The following TRIOBP variants were observed in gnomAD, a reference collection of about 807,000 sequenced individuals.
TRIOBP encodes TRIO and F-actin-binding protein.
A neutral mutation model predicts 238.8 loss-of-function variants in TRIOBP; 169 were observed. The ratio of observed to expected loss-of-function variants is 0.71; its 90% CI spans 0.62 to 0.80. The LOEUF (loss-of-function observed/expected upper bound fraction) is 0.80, where lower values mean the gene tolerates loss of function less well. Among genes scored for constraint, TRIOBP ranks in the 30% least tolerant of loss-of-function variants. TRIOBP has a pLI of 0.00. For missense variants in TRIOBP, 2,838 were observed against 3,122.6 expected (o/e 0.91, Z 2.17); for synonymous variants, 1,150 against 1,274.4 (o/e 0.90, Z 2.08).
rs7290598 is a variant in TRIOBP at position 37,743,501 on chromosome 22, C to T, written c.5322+2469C>T. Among the ~76,000 whole-genome samples the T allele has an allele frequency of 6.8e-3, 1,032 of 152,278 alleles. 12 individuals are homozygous for T. The highest frequency in any genetic ancestry group is 0.023 in the African/African-American group (964 of 41,540). On this transcript the variant is annotated intron_variant, in intron 11 of 23. Coordinates refer to ENST00000644935, the MANE Select transcript of TRIOBP (RefSeq NM_001039141.3). ...TTCTTCATTGGTGCATTCATTCATT[C>T]GAGCCGTGCTTACGGAGGATGTGCT... is the stretch of plus-strand genomic sequence containing the variant.
chr22:37,731,739 G>A (rs866899316), intron 7 of TRIOBP, among the ~76,000 whole-genome samples: 82 of 152,270 alleles, frequency 5.4e-4, no homozygotes, highest in African/African-American at 1.9e-3. Flanking sequence ...TTAGAGGCAT[G>A]AGCCACCACA....
chr22:37,714,714 T>C (rs569249933), intron 5 of TRIOBP, among the ~76,000 whole-genome samples: 11 of 152,218 alleles, frequency 7.2e-5, no homozygotes, highest in African/African-American at 2.2e-4. Flanking sequence ...TCTTGCTCCA[T>C]TGCCCAGACT....
intron 21 of TRIOBP, 89 bp from the exon 22 acceptor site, chr22:37,771,561 G>A: frequency 8.4e-7 from 1 of 1,183,568 alleles, no homozygotes; most frequent in Non-Finnish European, 1.3e-6. Context: ...CTAGGGGCCT[G>A]AGGCAGAGAG....
Position 37,765,786 on chromosome 22 carries a change from C to T in TRIOBP, c.6441C>T (p.Leu2147=), listed in dbSNP as rs1474889342. 2.5e-6 allele frequency: 4 copies of T among 1,590,984 alleles called. No homozygotes were observed. The highest frequency in any genetic ancestry group is 1.1e-5 in the South Asian group (1 of 88,044). The change falls in exon 18 of 24, where the codon CTC becomes CTT. Residue 2147 remains leucine, a synonymous_variant. Coordinates refer to ENST00000644935, the MANE Select transcript of TRIOBP (RefSeq NM_001039141.3). ...LQRLQQEKEW[L]LAEETAATAS... ...GCCTGCAGCAGGAGAAGGAGTGGCT[C>T]CTGGCTGAGGAGACGGCAGCCACGG...
intron 7 of TRIOBP, among the ~76,000 whole-genome samples, chr22:37,731,110 A>C (rs1924399790): frequency 1.3e-5 from 2 of 152,072 alleles, no homozygotes; most frequent in Non-Finnish European, 2.9e-5. Context: ...TGACATTGGC[A>C]AAAGACATGA....
chr22:37,710,156 G>C (rs1923160890), intron 3 of TRIOBP, among the ~76,000 whole-genome samples: 1 of 152,254 alleles, frequency 6.6e-6, no homozygotes, highest in Non-Finnish European at 1.5e-5. Context: ...GTGCACACAT[G>C]TGCCCCCAAT....
chr22:37,758,412 C>T (rs562595666), intron 16 of TRIOBP, among the ~76,000 whole-genome samples: 1 of 152,344 alleles, frequency 6.6e-6, no homozygotes. Flanking sequence ...GCCAGGCTCA[C>T]ACCTGTAATC....
At position 37,725,107 on chromosome 22, in the gene TRIOBP, C is replaced by T. The variant is rs532583197; in HGVS notation, c.2551C>T (p.Arg851Trp). ...RDNLRPTCTQ[R>W]DRTQSFSFQR... ...TAACCTCAGACCCACTTGTACACAG[C>T]GGGACCGCACACAGTCCTTTTCCTT... Residue 851 changes from arginine to tryptophan, a missense_variant, in exon 7 of 24, where the codon CGG becomes TGG. Physicochemically the swap from Arg to Trp is moderately radical, Grantham distance 101. Around this residue, in one of 5 missense-constraint regions of TRIOBP, gnomAD observed 2,096 missense variants for 2,137.4 expected, o/e 0.98. Transcript: ENST00000644935. 42 of 1,614,140 alleles carry T rather than the reference C, an allele frequency of 2.6e-5. No homozygotes were observed. Among genetic ancestry groups the T allele is most frequent in the Admixed American group, 1.5e-4 (9 of 60,014 alleles).
intron 6 of TRIOBP, among the ~76,000 whole-genome samples, chr22:37,718,036 G>A (rs932327240): frequency 2.0e-5 from 3 of 152,194 alleles, no homozygotes; most frequent in Non-Finnish European, 2.9e-5. Context: ...GCTGGTGGGC[G>A]GGCACTGCTG....
At position 37,701,479 on chromosome 22, in the gene TRIOBP, G is replaced by A; in HGVS notation, c.114G>A (p.Gln38=). The A allele has an allele frequency of 6.2e-7, 1 of 1,608,150 alleles. No homozygotes were observed. The highest frequency in any genetic ancestry group is 8.5e-7 in the Non-Finnish European group (1 of 1,177,100). The stretch of plus-strand genomic sequence containing the variant: ...AGGAGGCCCATGGAGCAAGATACCA[G>A]GTGGGCCAGTTTTCCACGTGGTTGG... ...HPEEAHGARY[Q]ELRSPSGAEV... Residue 38 remains glutamine (Q), a splice_region_variant and synonymous_variant, in exon 3 of 24, where the codon CAG becomes CAA. Transcript: ENST00000644935.
chr22:37,717,148 T>C (rs921517818), intron 6 of TRIOBP, among the ~76,000 whole-genome samples: 14 of 152,192 alleles, frequency 9.2e-5, no homozygotes, highest in Admixed American at 8.5e-4. Flanking sequence ...GGAGTGAAGC[T>C]GCAGACCTTT....
rs1210398698 is a variant in TRIOBP at position 37,726,349 on chromosome 22, T to G, written c.3793T>G (p.Leu1265Val). The change falls in exon 7 of 24, where the codon TTG (leucine) becomes GTG (valine). Residue 1265 changes from leucine to valine, a missense_variant. Physicochemically the swap from Leu to Val is conservative, Grantham distance 32. Coordinates refer to ENST00000644935, the MANE Select transcript of TRIOBP (RefSeq NM_001039141.3). ...SAPPGETRHN[L>V]EREEYTVLAD... The stretch of plus-strand genomic sequence containing the variant: ...GCCTCCCGGGGAGACCAGGCACAAC[T>G]TGGAGCGGGAGGAGTACACTGTGCT... The G allele has an allele frequency of 6.2e-7, 1 of 1,609,770 alleles. No individual in the cohort carries two copies. Among genetic ancestry groups the G allele is most frequent in the Non-Finnish European group, 8.5e-7 (1 of 1,178,508 alleles).
In TRIOBP at chr22:37,740,015, G is replaced by A. The variant is rs937425540; in HGVS notation, c.5185-880G>A. ...TAGTGAGCACCTTCTGTATACCCAGGTGTGGGTCACAGGTGAGTCGGAGCG... is the reference window on the plus strand; with the variant it reads ...TAGTGAGCACCTTCTGTATACCCAGATGTGGGTCACAGGTGAGTCGGAGCG... On this transcript the variant is annotated intron_variant, in intron 10 of 23. Coordinates refer to ENST00000644935, the MANE Select transcript of TRIOBP (RefSeq NM_001039141.3). Among the ~76,000 whole-genome samples the A allele has an allele frequency of 2.6e-5, 4 of 152,180 alleles. No homozygotes were observed. In the East Asian group the frequency reaches 7.7e-4, roughly 29 times the overall value.
At chr22:37,755,008 A>C (rs1013883627) in intron 13 of TRIOBP, 24 bp downstream of exon 13, 22 of 1,612,172 alleles carry the variant, frequency 1.4e-5, no homozygotes, top group Non-Finnish European at 1.9e-5. Flanking sequence ...TGTACTGATG[A>C]ACCCCCGGAA....
chr22:37,745,897 G>A (rs1296852563), intron 11 of TRIOBP, among the ~76,000 whole-genome samples: 1 of 152,060 alleles, frequency 6.6e-6, no homozygotes, highest in East Asian at 1.9e-4. Context: ...TCGTGCCCAC[G>A]CCCGGCCGCC....
At chr22:37,768,000 G>A (rs984012022) in intron 18 of TRIOBP, 74 bp from the exon 19 acceptor site, 76 of 1,145,256 alleles carry the variant, frequency 6.6e-5, no homozygotes, top group Admixed American at 3.7e-4. Flanking sequence ...TACATGTGGC[G>A]TCTCAGAGCT....
chr22:37,720,327 A>G (rs1157056229), intron 6 of TRIOBP, among the ~76,000 whole-genome samples: 2 of 151,986 alleles, frequency 1.3e-5, no homozygotes, highest in African/African-American at 4.8e-5. Context: ...CACTGCTACA[A>G]TACTATTAAC....
chr22:37,761,896 G>T (rs764735930), intron 17 of TRIOBP, among the ~76,000 whole-genome samples: 4 of 151,830 alleles, frequency 2.6e-5, no homozygotes, highest in Non-Finnish European at 5.9e-5. Context: ...AAGGGAGCTG[G>T]GGGCCCAACA....
chr22:37,721,894 CGG>C (rs1923847599), intron 6 of TRIOBP, among the ~76,000 whole-genome samples: 1 of 152,096 alleles, frequency 6.6e-6, no homozygotes, highest in Admixed American at 6.6e-5. Flanking sequence ...AGGGATTGAG[CGG>C]GGTGGAGGGT....
Sources: gnomAD v4.1 joint callset for allele counts (sites outside exome capture counted in the v4.1 genomes callset) on GRCh38, gnomAD v4.1.1 for gene constraint, gnomAD v4.1.1 regional missense constraint, MANE v1.5 for transcripts, NCBI Gene and HGNC (gene_info 2026-07-23, HGNC 2026-07-21) for gene names.